TULP4: variants seen among roughly 807,000 people sequenced by gnomAD.
TULP4 encodes the protein TUB like protein 4.
In TULP4, 16 loss-of-function variants were observed where a neutral mutation model predicts 129.0. The ratio of observed to expected loss-of-function variants is 0.12; its 90% CI spans 0.08 to 0.19. The LOEUF (loss-of-function observed/expected upper bound fraction) is 0.19. Ranked by LOEUF, TULP4 falls within the 10% of genes least tolerant of loss-of-function variation. The pLI, the probability that TULP4 is intolerant of heterozygous loss-of-function variation, is 1.00. For missense variants in TULP4, 1,842 were observed against 2,059.1 expected (o/e 0.89, Z 2.04); for synonymous variants, 998 against 854.0 (o/e 1.17, Z -2.94).
At chr6:158,392,794 CT>C (rs773565295) in intron 1 of TULP4, among the ~76,000 whole-genome samples, 166 of 54,628 alleles carry the variant, frequency 3.0e-3, no homozygotes, top group Middle Eastern at 0.031. Flanking sequence ...ATTTGTATTT[CT>C]TTTTTTTTTT....
At chr6:158,245,162 T>G (rs925005219) in intron 1 of TULP4, among the ~76,000 whole-genome samples, 4 of 150,670 alleles carry the variant, frequency 2.7e-5, no homozygotes, top group Non-Finnish European at 5.9e-5. Context: ...CAATTAAATT[T>G]TTTTTTTTTT....
At chr6:158,373,891 C>T (rs1173643995) in intron 1 of TULP4, among the ~76,000 whole-genome samples, 2 of 151,984 alleles carry the variant, frequency 1.3e-5, no homozygotes, top group Admixed American at 6.6e-5. Context: ...TTCATATGGG[C>T]GGGGAGACAG....
At chr6:158,393,219 C>T (rs1473725893) in intron 1 of TULP4, among the ~76,000 whole-genome samples, 1 of 152,198 alleles carries the variant, frequency 6.6e-6, no homozygotes, top group East Asian at 1.9e-4. Context: ...AGGTGGGCTC[C>T]CAAGGCTTTG....
At chr6:158,298,699 A>G (rs1345221004) in intron 1 of TULP4, among the ~76,000 whole-genome samples, 1 of 152,194 alleles carries the variant, frequency 6.6e-6, no homozygotes, top group African/African-American at 2.4e-5. Context: ...GATATTTTCC[A>G]CTAACAGCAT....
At chr6:158,293,404 G>A (rs993670141) in intron 1 of TULP4, among the ~76,000 whole-genome samples, 2 of 152,214 alleles carry the variant, frequency 1.3e-5, no homozygotes, top group Admixed American at 6.5e-5. Flanking sequence ...GCCATGCTCA[G>A]TACCTTATTG....
chr6:158,305,324 C>CGTGTGT (rs34836137), intron 1 of TULP4, among the ~76,000 whole-genome samples: 6,082 of 141,764 alleles, frequency 0.043, 158 homozygotes, highest in African/African-American at 0.05. Flanking sequence ...ATTCTGTGTG[C>CGTGTGT]GTGTGTGTGT....
intron 8 of TULP4, among the ~76,000 whole-genome samples, chr6:158,482,281 T>G (rs1194058184): frequency 6.6e-6 from 1 of 152,196 alleles, no homozygotes; most frequent in African/African-American, 2.4e-5. Context: ...TGTGGTGGGC[T>G]TGCTCACTCT....
chr6:158,271,036 G>C (rs1778536431), intron 1 of TULP4, among the ~76,000 whole-genome samples: 1 of 151,546 alleles, frequency 6.6e-6, no homozygotes, highest in Non-Finnish European at 1.5e-5. Flanking sequence ...TATAATCCCA[G>C]ATACATGGGA....
At chr6:158,348,785 T>A (rs1437319326) in intron 1 of TULP4, among the ~76,000 whole-genome samples, 31 of 67,514 alleles carry the variant, frequency 4.6e-4, no homozygotes, top group East Asian at 1.4e-3. Context: ...CGCTCCTCAC[T>A]TCCTATACGG....
intron 1 of TULP4, among the ~76,000 whole-genome samples, chr6:158,368,227 T>G (rs1431366481): frequency 6.6e-6 from 1 of 152,196 alleles, no homozygotes; most frequent in Non-Finnish European, 1.5e-5. Flanking sequence ...AAAGTATGAT[T>G]TGAATTTTTG....
rs1377926300 is a variant in TULP4 at position 158,388,316 on chromosome 6, G to GTTTTTT, written c.253-24744_253-24743insTTTTTT. Among the ~76,000 whole-genome samples, 274 of 92,710 alleles carry GTTTTTT rather than the reference G, an allele frequency of 3.0e-3. 22 individuals are homozygous for GTTTTTT. Among genetic ancestry groups the GTTTTTT allele is most frequent in the South Asian group, 9.9e-3 (27 of 2,716 alleles). The allele number at this position is 92,710 out of a possible 152,430, so 60.8% of individuals were successfully genotyped here. ...TTGTTTAAAGAAAAATAATCTGCTC[G>GTTTTTT]TTTTTCTTTTTTTTTTTTTTTTTTT... On this transcript the variant is annotated intron_variant, in intron 1 of 13. Coordinates refer to ENST00000367097, the MANE Select transcript of TULP4 (RefSeq NM_020245.5).
At chr6:158,315,280 G>C (rs774610246) in intron 1 of TULP4, among the ~76,000 whole-genome samples, 3 of 152,082 alleles carry the variant, frequency 2.0e-5, no homozygotes, top group Non-Finnish European at 4.4e-5. Context: ...TAGTATGGTA[G>C]AGTTTTTTAT....
chr6:158,461,189 A>G (rs1365763855), intron 5 of TULP4, among the ~76,000 whole-genome samples: 1 of 152,234 alleles, frequency 6.6e-6, no homozygotes, highest in East Asian at 1.9e-4. Flanking sequence ...AGGCGGGCAG[A>G]TCACCTGAGG....
intron 1 of TULP4, among the ~76,000 whole-genome samples, chr6:158,233,106 G>T (rs1777628421): frequency 6.6e-6 from 1 of 152,246 alleles, no homozygotes; most frequent in Non-Finnish European, 1.5e-5. Context: ...ATGGGAAGGT[G>T]AGGGTGGTCT....
intron 4 of TULP4, among the ~76,000 whole-genome samples, chr6:158,449,948 A>G (rs565748128): frequency 6.6e-6 from 1 of 152,272 alleles, no homozygotes; most frequent in South Asian, 2.1e-4. Context: ...GATACACATA[A>G]TGTATAGTGA....
At chr6:158,377,697 A>C (rs990259615) in intron 1 of TULP4, among the ~76,000 whole-genome samples, 4 of 152,288 alleles carry the variant, frequency 2.6e-5, no homozygotes, top group Admixed American at 2.6e-4. Flanking sequence ...CACATTTGGG[A>C]TGGAACAAGA....
chr6:158,508,269 C>T lies in TULP4; in HGVS notation c.*1575C>T, dbSNP rs751874821. On this transcript the variant is annotated 3_prime_UTR_variant, in exon 14 of 14. Transcript: ENST00000367097. ...CAGGAGCACAGGAACTATCTGCTGG[C>T]GTTGGGTTCCAAATTTGCATTTTAT... is the stretch of plus-strand genomic sequence containing the variant. 3.3e-5 allele frequency: 5 copies of T among 152,158 alleles called. No individual in the cohort carries two copies. Among genetic ancestry groups the T allele is most frequent in the Non-Finnish European group, 5.9e-5 (4 of 68,044 alleles). 9.4% of individuals were successfully genotyped at this position (152,158 alleles called of 1,614,324 possible).
chr6:158,466,252 T>C (rs1348546304), intron 6 of TULP4, among the ~76,000 whole-genome samples: 1 of 152,202 alleles, frequency 6.6e-6, no homozygotes, highest in Non-Finnish European at 1.5e-5. Flanking sequence ...CAAGAGAGTC[T>C]CCATTCAGTC....
intron 1 of TULP4, among the ~76,000 whole-genome samples, chr6:158,376,431 G>A (rs189594915): frequency 1.3e-5 from 2 of 152,212 alleles, no homozygotes; most frequent in Non-Finnish European, 2.9e-5. Flanking sequence ...CCGCATCCCC[G>A]GCTCCAAAGG....
Sources: allele counts gnomAD v4.1 joint callset (sites outside exome capture counted in the v4.1 genomes callset), GRCh38; gene constraint gnomAD v4.1.1; transcripts MANE v1.5; gene names NCBI Gene and HGNC (gene_info 2026-07-23, HGNC 2026-07-21).